The following CSMD3 variants were observed in gnomAD, a reference collection of about 807,000 sequenced individuals.
CSMD3 encodes CUB and Sushi multiple domains 3, also known as CUB and sushi domain-containing protein 3.
In CSMD3, 177 loss-of-function variants were observed where a neutral mutation model predicts 435.2. That is an observed-to-expected ratio of 0.41 (90% CI 0.36 to 0.46). The LOEUF (loss-of-function observed/expected upper bound fraction) is 0.46, where lower values mean the gene tolerates loss of function less well. Among genes scored for constraint, CSMD3 ranks in the 20% least tolerant of loss-of-function variants. CSMD3 has a pLI of 0.34. For missense variants in CSMD3, 4,265 were observed against 4,504.6 expected (o/e 0.95, Z 1.52); for synonymous variants, 1,656 against 1,520.5 (o/e 1.09, Z -2.07).
At chr8:112,333,458 C>A (rs952810771) in intron 45 of CSMD3, among the ~76,000 whole-genome samples, 2 of 152,162 alleles carry the variant, frequency 1.3e-5, no homozygotes, top group East Asian at 1.9e-4. Context: ...TGAGCCACTG[C>A]GCCTGGCCTT....
intron 31 of CSMD3, among the ~76,000 whole-genome samples, chr8:112,488,366 C>T (rs951953219): frequency 6.6e-6 from 1 of 152,132 alleles, no homozygotes; most frequent in Non-Finnish European, 1.5e-5. Context: ...AGCTTATGCT[C>T]TTCTAGGGTG....
rs551982771 is a variant in CSMD3, at chr8:112,458,729, C to T, written c.5395+13862G>A. On this transcript the variant is annotated intron_variant, in intron 32 of 70. Transcript: ENST00000297405. Reference sequence around the variant, plus strand: ...TTTGATGAGTGGAAAACAATGTGAACCTGTCTCCTGAAGTGTGAATACTTT... The same window carrying T: ...TTTGATGAGTGGAAAACAATGTGAATCTGTCTCCTGAAGTGTGAATACTTT... Among the ~76,000 whole-genome samples the T allele has an allele frequency of 3.9e-5, 6 of 152,118 alleles. 1 individual carries two copies. The South Asian group carries it at 1.2e-3, about 32-fold the overall frequency.
At chr8:113,142,385 G>A (rs183011965) in intron 4 of CSMD3, among the ~76,000 whole-genome samples, 1 of 151,370 alleles carries the variant, frequency 6.6e-6, no homozygotes, top group East Asian at 1.9e-4. Context: ...TATAGCTATA[G>A]TAATCACAAT....
chr8:112,877,859 A>G (rs902785045), intron 10 of CSMD3, among the ~76,000 whole-genome samples: 2 of 152,188 alleles, frequency 1.3e-5, no homozygotes, highest in Non-Finnish European at 1.5e-5. Context: ...GAAACTGGCT[A>G]GCCATATGCA....
At chr8:113,310,558 G>A (rs535245710) in intron 2 of CSMD3, 28 of 151,774 alleles carry the variant, frequency 1.8e-4, no homozygotes, top group African/African-American at 6.5e-4. Flanking sequence ...GAGAAAACCA[G>A]CATGGTTATC....
chr8:112,877,479 G>C (rs2081319194), intron 10 of CSMD3, among the ~76,000 whole-genome samples: 1 of 151,982 alleles, frequency 6.6e-6, no homozygotes, highest in African/African-American at 2.4e-5. Flanking sequence ...TGTTAGCCAA[G>C]CTGGTCTCGA....
At chr8:112,413,998 G>C (rs992128948) in intron 32 of CSMD3, among the ~76,000 whole-genome samples, 1 of 152,048 alleles carries the variant, frequency 6.6e-6, no homozygotes, top group Admixed American at 6.6e-5. Context: ...TTCACCAACA[G>C]TACTGTTAGG....
rs184270369 is a variant in CSMD3, at chr8:113,336,298, A to T, written c.179-21505T>A. Among the ~76,000 whole-genome samples the T allele has an allele frequency of 2.0e-5, 3 of 150,528 alleles. No homozygotes were observed. In the East Asian group the frequency reaches 5.9e-4, roughly 30 times the overall value. ...TTCTATTCTTTGCTGAAACTTTTAAATTTTTTTGCTGACACTTTCGCTTGA... is the reference window on the plus strand; with the variant it reads ...TTCTATTCTTTGCTGAAACTTTTAATTTTTTTTGCTGACACTTTCGCTTGA... On this transcript the variant is annotated intron_variant, in intron 1 of 70. Transcript: ENST00000297405.
At chr8:112,470,892 AC>A (rs1308413720) in intron 32 of CSMD3, among the ~76,000 whole-genome samples, 3 of 151,686 alleles carry the variant, frequency 2.0e-5, no homozygotes, top group African/African-American at 2.4e-5. Context: ...TGTTTTGTCC[AC>A]AAAAAAAACA....
At chr8:112,347,544 AAATT>A (rs1268417929) in intron 40 of CSMD3, among the ~76,000 whole-genome samples, 6 of 152,332 alleles carry the variant, frequency 3.9e-5, no homozygotes, top group Admixed American at 2.0e-4. Flanking sequence ...TGAACTAAAT[AAATT>A]ATGTGTCAAT....
chr8:112,714,955 G>A (rs1052843440), intron 13 of CSMD3, among the ~76,000 whole-genome samples: 3 of 152,040 alleles, frequency 2.0e-5, no homozygotes, highest in Non-Finnish European at 4.4e-5. Context: ...AACACTAAAT[G>A]CCCACATCAG....
chr8:112,558,701 C>T (rs1051407051), intron 24 of CSMD3, among the ~76,000 whole-genome samples: 5 of 151,782 alleles, frequency 3.3e-5, no homozygotes, highest in Admixed American at 6.6e-5. Context: ...ACATATATGG[C>T]GTCAGAAGGG....
chr8:112,830,142 T>C (rs2079826476), intron 11 of CSMD3, among the ~76,000 whole-genome samples: 1 of 152,122 alleles, frequency 6.6e-6, no homozygotes, highest in Admixed American at 6.5e-5. Flanking sequence ...GAAGGCTTTA[T>C]AAAAAGTATA....
chr8:112,512,362 G>A lies in CSMD3; in HGVS notation c.4756+4672C>T, dbSNP rs572944702. On this transcript the variant is annotated intron_variant, in intron 28 of 70. Coordinates refer to ENST00000297405, the MANE Select transcript of CSMD3 (RefSeq NM_198123.2). ...GCTGCAAAATGGATGTTGTGTTATTGGCATAAAAACATTAATCTCTTTGCA... is the reference window on the plus strand; with the variant it reads ...GCTGCAAAATGGATGTTGTGTTATTAGCATAAAAACATTAATCTCTTTGCA... Among the ~76,000 whole-genome samples the A allele has an allele frequency of 5.3e-5, 8 of 152,182 alleles. No individual in the cohort carries two copies. The South Asian group carries it at 1.7e-3, about 32-fold the overall frequency.
rs191479332 is a variant in CSMD3, at chr8:112,410,715, T to C, written c.5396-1683A>G. 8.2e-3 allele frequency among the ~76,000 whole-genome samples: 1,062 copies of C among 129,830 alleles called. 26 individuals are homozygous for C. Among genetic ancestry groups the C allele is most frequent in the African/African-American group, 0.026 (979 of 37,902 alleles). The allele number at this position is 129,830 out of a possible 152,430, so 85.2% of individuals were successfully genotyped here. A position where few individuals can be genotyped will look rare whatever the true frequency, so the allele number is the denominator to read the frequency against. ...ATATATATATGTGTATATATATATA[T>C]GTATATATATAGGAAAGGTTTTGTT... is the stretch of plus-strand genomic sequence containing the variant. On this transcript the variant is annotated intron_variant, in intron 32 of 70. Coordinates refer to ENST00000297405, the MANE Select transcript of CSMD3 (RefSeq NM_198123.2).
At chr8:113,023,485 C>T (rs1465686505) in intron 5 of CSMD3, among the ~76,000 whole-genome samples, 1 of 152,154 alleles carries the variant, frequency 6.6e-6, no homozygotes, top group Middle Eastern at 3.4e-3. Flanking sequence ...CCTTCTCTAG[C>T]ACTTAGATAA....
At chr8:112,845,344 G>A (rs986041752) in intron 11 of CSMD3, among the ~76,000 whole-genome samples, 3 of 151,998 alleles carry the variant, frequency 2.0e-5, no homozygotes, top group Non-Finnish European at 4.4e-5. Flanking sequence ...GTTATGCAGA[G>A]TAAGCTTTCC....
chr8:112,963,493 A>G (rs953292047), intron 7 of CSMD3, among the ~76,000 whole-genome samples: 1 of 151,980 alleles, frequency 6.6e-6, no homozygotes, highest in Non-Finnish European at 1.5e-5. Flanking sequence ...TTATACTTCA[A>G]AGGATAATAT....
At chr8:112,611,177 A>C (rs1180541365) in intron 22 of CSMD3, among the ~76,000 whole-genome samples, 1 of 152,232 alleles carries the variant, frequency 6.6e-6, no homozygotes, top group Non-Finnish European at 1.5e-5. Flanking sequence ...ATGACTGAGA[A>C]ATGCCACGCA....
Sources: allele counts gnomAD v4.1 joint callset (sites outside exome capture counted in the v4.1 genomes callset), GRCh38; gene constraint gnomAD v4.1.1; transcripts MANE v1.5; gene names NCBI Gene and HGNC (gene_info 2026-07-23, HGNC 2026-07-21).